Variants in NCSTN observed in about 807,000 individuals in gnomAD.
NCSTN encodes the protein anterior pharynx-defective 2.
Under a neutral mutation model 87.0 loss-of-function variants are expected in NCSTN, and 22 were observed. The ratio of observed to expected loss-of-function variants is 0.25; its 90% confidence interval spans 0.18 to 0.36. The LOEUF (loss-of-function observed/expected upper bound fraction) is 0.36, where lower values mean the gene tolerates loss of function less well. NCSTN is among the 10% of genes least tolerant of loss of function. The probability of loss-of-function intolerance (pLI) is 1.00; values close to 1 mark genes in which losing one functional copy is unlikely to be tolerated. For missense variants in NCSTN, 693 were observed against 883.3 expected, an observed-to-expected ratio of 0.78 and a Z score of 2.73; for synonymous variants, 306 against 327.1, an observed-to-expected ratio of 0.94 and a Z score of 0.69.
At chr1:160,353,507 T>C (rs769778237) in intron 10 of NCSTN, 297 of 1,345,642 alleles carry the variant, frequency 2.2e-4, no homozygotes, top group Admixed American at 1.2e-3. Context: ...GATAGGTGAG[T>C]GACTAGCTCC....
rs1275848909 is a variant in NCSTN, at chr1:160,356,719, C to G, written c.1759C>G (p.Gln587Glu). The G allele has an allele frequency of 6.2e-7, 1 of 1,614,206 alleles. No homozygotes were observed. Among genetic ancestry groups the G allele is most frequent in the South Asian group, 1.1e-5 (1 of 91,082 alleles). ...TVVNLTREQC[Q>E]DPSKVPSENK... ...GGTCAACCTCACCCGAGAGCAGTGC[C>G]AGGATCCAAGTAAAGTCCCAAGTGA... is the stretch of plus-strand genomic sequence containing the variant. The change falls in exon 15 of 17, where the codon CAG (glutamine) becomes GAG (glutamate). Residue 587 changes from glutamine to glutamate, a missense_variant. Physicochemically the swap from Gln to Glu is conservative, Grantham distance 29. This residue lies in a region of NCSTN where 216 missense variants were observed against 311.7 expected (regional missense o/e 0.69). Coordinates refer to ENST00000294785, the MANE Select transcript of NCSTN (RefSeq NM_015331.3).
rs2101898931 is a variant in NCSTN at position 160,349,643 on chromosome 1, A to G, written c.409A>G (p.Ser137Gly). 1.9e-6 allele frequency: 3 copies of G among 1,614,002 alleles called. No homozygotes were observed. The East Asian group carries it at 6.7e-5, about 36-fold the overall frequency. ...CAGTCCTGCCTCAGGCTTCTCTCCT[A>G]GTGTACAGTGCCCAAATGATGGGTT... ...KPSPASGFSP[S>G]VQCPNDGFGV... The change falls in exon 4 of 17, where the codon AGT becomes GGT. Residue 137 changes from serine (S) to glycine (G), a missense_variant. Physicochemically the swap from Ser to Gly is moderately conservative, Grantham distance 56 (BLOSUM62 0). Around this residue, in one of 4 missense-constraint regions of NCSTN, gnomAD observed 235 missense variants for 233.9 expected, o/e 1.00. Transcript: ENST00000294785.
At position 160,349,923 on chromosome 1, in the gene NCSTN, T is replaced by C. The variant is rs11588104; in HGVS notation, c.437-182T>C. Among the ~76,000 whole-genome samples the C allele has an allele frequency of 4.4e-3, 668 of 152,312 alleles. 7 individuals are homozygous for C. Among genetic ancestry groups the C allele is most frequent in the Middle Eastern group, 0.02 (6 of 294 alleles). On this transcript the variant is annotated intron_variant, in intron 4 of 16. Transcript: ENST00000294785. ...CATCCCTAATCTTACAGCCTAAGAC[T>C]CCCTGATACCATTGTCTTTCTATTT... is the stretch of plus-strand genomic sequence containing the variant.
intron 15 of NCSTN, 88 bp downstream of exon 15, chr1:160,356,842 G>C (rs758264313): frequency 1.4e-4 from 213 of 1,548,826 alleles, no homozygotes; most frequent in Non-Finnish European, 1.8e-4. Context: ...AGACCCAGGG[G>C]ATTGGGATGG....
intron 2 of NCSTN, 32 bp downstream of exon 2, chr1:160,344,858 T>C (rs373793839): frequency 1.0e-5 from 16 of 1,558,152 alleles, no homozygotes; most frequent in African/African-American, 1.4e-5. Context: ...TTTGTGGACA[T>C]TGATATTTGT....
rs531877039 is a variant in NCSTN at position 160,352,089 on chromosome 1, A to G, written c.879A>G (p.Pro293=). 2.5e-5 allele frequency: 40 copies of G among 1,614,240 alleles called. No individual in the cohort carries two copies. The African/African-American group carries it at 4.3e-4, about 17-fold the overall frequency. Residue 293 remains proline (P), a synonymous_variant, in exon 8 of 17, where the codon CCA becomes CCG. Transcript: ENST00000294785. The part of the protein sequence containing the change: ...DSRSFFWNVA[P]GAESAVASFV... ...GTTCCTTTTTCTGGAATGTGGCCCC[A>G]GGGGCTGAAAGCGCAGTGGCTTCCT... is the stretch of plus-strand genomic sequence containing the variant.
intron 11 of NCSTN, 103 bp downstream of exon 11, chr1:160,354,393 C>T: frequency 8.1e-7 from 1 of 1,239,480 alleles, no homozygotes; most frequent in Non-Finnish European, 1.2e-6. Context: ...CTACCCCCTC[C>T]AGAACTTCAG....
chr1:160,352,209 A>G lies in NCSTN; in HGVS notation c.996+3A>G. On this transcript the variant is annotated splice_donor_region_variant and intron_variant, in intron 8 of 16. Transcript: ENST00000294785. ...TCATGTTTGTCTTCTTTCAAGGGGT[A>G]AGGGCTCTTTGGCTGGGGTGCAATG... is the stretch of plus-strand genomic sequence containing the variant. 1 of 1,614,018 alleles carries G rather than the reference A, an allele frequency of 6.2e-7. No homozygotes were observed.
chr1:160,352,293 C>T, intron 8 of NCSTN, 87 bp downstream of exon 8: 1 of 1,535,608 alleles, frequency 6.5e-7, no homozygotes, highest in East Asian at 2.3e-5. Context: ...AAGACCTCAG[C>T]ACTTGACCTA....
At chr1:160,349,734 AC>A (rs1648733522) in intron 4 of NCSTN, 64 bp downstream of exon 4, 3 of 1,594,374 alleles carry the variant, frequency 1.9e-6, no homozygotes, top group African/African-American at 1.3e-5. Flanking sequence ...CTTCGGTCTT[AC>A]GTCTTTGTGA....
chr1:160,358,465 C>A lies in NCSTN; in HGVS notation c.*194C>A. 1.4e-6 allele frequency: 1 copy of A among 698,892 alleles called. No individual in the cohort carries two copies. Among genetic ancestry groups the A allele is most frequent in the Non-Finnish European group, 2.5e-6 (1 of 406,428 alleles). The allele number at this position is 698,892 out of a possible 1,614,324, so 43.3% of individuals were successfully genotyped here. ...TGCCTCCCTTCCTCCGCTCCCCTTT[C>A]CCATCACCCCTTCCCCATTTCCTCT... On this transcript the variant is annotated 3_prime_UTR_variant, in exon 17 of 17. Transcript: ENST00000294785.
chr1:160,347,393 T>G (rs1315413647), intron 2 of NCSTN, among the ~76,000 whole-genome samples: 1 of 152,232 alleles, frequency 6.6e-6, no homozygotes, highest in Non-Finnish European at 1.5e-5. Context: ...TAAATAGGTT[T>G]CTTTTCCCTC....
chr1:160,347,153 G>A (rs534083371), intron 2 of NCSTN, among the ~76,000 whole-genome samples: 18 of 152,346 alleles, frequency 1.2e-4, no homozygotes, highest in Admixed American at 1.2e-3. Context: ...AGAAACAAGA[G>A]GGGGTAAGCG....
chr1:160,350,507 G>A (rs1007143983), intron 5 of NCSTN, among the ~76,000 whole-genome samples: 1 of 151,720 alleles, frequency 6.6e-6, no homozygotes, highest in Non-Finnish European at 1.5e-5. Flanking sequence ...TTGGAGGGTG[G>A]CTCATTCTTC....
At chr1:160,351,960 C>G in intron 7 of NCSTN, 94 bp from the exon 8 acceptor site, 1 of 1,543,852 alleles carries the variant, frequency 6.5e-7, no homozygotes, top group Non-Finnish European at 8.9e-7. Flanking sequence ...TCCATTGCCA[C>G]AGGACAGGTA....
rs1181554580 is a variant in NCSTN at position 160,355,936 on chromosome 1, C to T, written c.1529C>T (p.Thr510Ile). ...GCAGGAGGAACCAACTTCAGCGACA[C>T]AGTTCAGGCTGATCCCCAAACGGTA... The part of the protein sequence containing the change: ...ELAGGTNFSD[T>I]VQADPQTVTR... Residue 510 changes from threonine (T) to isoleucine (I), a missense_variant, in exon 13 of 17, where the codon ACA (threonine) becomes ATA (isoleucine). By Grantham distance (89) the Thr-to-Ile change is moderately conservative. Transcript: ENST00000294785. The T allele has an allele frequency of 2.5e-6, 4 of 1,613,956 alleles. No individual in the cohort carries two copies. The highest frequency in any genetic ancestry group is 2.2e-5 in the South Asian group (2 of 91,076).
At chr1:160,352,776 G>A in intron 8 of NCSTN, 111 bp from the exon 9 acceptor site, 2 of 819,912 alleles carry the variant, frequency 2.4e-6, no homozygotes, top group East Asian at 2.6e-5. Context: ...TAGCAGTTGA[G>A]GTGACCTGAG....
chr1:160,353,589 G>A (rs761438093), intron 10 of NCSTN: 48 of 1,215,252 alleles, frequency 3.9e-5, no homozygotes, highest in South Asian at 1.9e-4. Context: ...TGTCACACTC[G>A]CTGCCCAACT....
chr1:160,344,936 T>G, intron 2 of NCSTN, 110 bp downstream of exon 2: 1 of 892,470 alleles, frequency 1.1e-6, no homozygotes, highest in Non-Finnish European at 1.8e-6. Context: ...TTGGACTGTA[T>G]GTAGGCAGTT....
Sources: gnomAD v4.1 joint callset for allele counts (sites outside exome capture counted in the v4.1 genomes callset) on GRCh38, gnomAD v4.1.1 for gene constraint, gnomAD v4.1.1 regional missense constraint, MANE v1.5 for transcripts, NCBI Gene and HGNC (gene_info 2026-07-23, HGNC 2026-07-21) for gene names.